GAD2: variants seen among roughly 807,000 people sequenced by gnomAD.
GAD2 encodes the protein glutamate decarboxylase 2.
Under a neutral mutation model 80.1 loss-of-function variants are expected in GAD2, and 22 were observed. The ratio of observed to expected loss-of-function variants is 0.27; its 90% CI spans 0.20 to 0.39. The LOEUF is 0.39. Ranked by LOEUF, GAD2 falls within the 10% of genes least tolerant of loss-of-function variation. GAD2 has a pLI of 1.00. For missense variants in GAD2, 624 were observed against 738.4 expected (o/e 0.85, Z 1.80); for synonymous variants, 274 against 256.9 (o/e 1.07, Z -0.64).
chr10:26,264,647 C>T lies in GAD2; in HGVS notation c.921-4472C>T, dbSNP rs577049214. Among the ~76,000 whole-genome samples, 6 of 152,306 alleles carry T rather than the reference C, an allele frequency of 3.9e-5. No homozygotes were observed. In the East Asian group the frequency reaches 1.2e-3, roughly 29 times the overall value. ...CTTTTAACCATAGTCAACTGCCTCT[C>T]TGAACCTCGGTTTCCTAATCTGCAC... On this transcript the variant is annotated intron_variant, in intron 8 of 15. Coordinates refer to ENST00000376261, the MANE Select transcript of GAD2 (RefSeq NM_001134366.2).
intron 4 of GAD2, among the ~76,000 whole-genome samples, chr10:26,222,123 T>C (rs1333826688): frequency 6.6e-6 from 1 of 151,996 alleles, no homozygotes; most frequent in Non-Finnish European, 1.5e-5. Flanking sequence ...GAGATTCAGG[T>C]GAAATGGCAG....
At position 26,274,096 on chromosome 10, in the gene GAD2, TA is replaced by T. The variant is rs8190733; in HGVS notation, c.1157+404del. Among the ~76,000 whole-genome samples the T allele has an allele frequency of 4.4e-3, 672 of 152,084 alleles. 4 individuals carry two copies. Among genetic ancestry groups the T allele is most frequent in the African/African-American group, 0.015 (638 of 41,490 alleles). Reference sequence around the variant, plus strand: ...TCATAAAAGGATAATATCCACTGCTTAAAAAAAATAATAATTTTTCAAAGCA... The same window carrying T: ...TCATAAAAGGATAATATCCACTGCTTAAAAAAATAATAATTTTTCAAAGCA... On this transcript the variant is annotated intron_variant, in intron 11 of 15. Coordinates refer to ENST00000376261, the MANE Select transcript of GAD2 (RefSeq NM_001134366.2).
intron 13 of GAD2, among the ~76,000 whole-genome samples, chr10:26,290,013 G>GT (rs1316910597): frequency 1.3e-5 from 2 of 151,650 alleles, no homozygotes; most frequent in East Asian, 3.9e-4. Context: ...TTTCCTTGTG[G>GT]TTTTTTTATG....
rs549881521 is a variant in GAD2 at position 26,246,181 on chromosome 10, G to C, written c.920+181G>C. Among the ~76,000 whole-genome samples, 4 of 152,300 alleles carry C rather than the reference G, an allele frequency of 2.6e-5. No individual in the cohort carries two copies. The South Asian group carries it at 8.3e-4, about 32-fold the overall frequency. On this transcript the variant is annotated intron_variant, in intron 8 of 15. Coordinates refer to ENST00000376261, the MANE Select transcript of GAD2 (RefSeq NM_001134366.2). ...TTCTGTTGCTCAGATGTGGTTCCTT[G>C]ATGCCATGGAGCCTTCCACAGCCCT... is the stretch of plus-strand genomic sequence containing the variant.
intron 7 of GAD2, among the ~76,000 whole-genome samples, chr10:26,230,651 T>C (rs1844590180): frequency 6.6e-6 from 1 of 151,996 alleles, no homozygotes; most frequent in Admixed American, 6.6e-5. Context: ...GCTAGGCTGG[T>C]CTCAAACTCC....
At chr10:26,225,408 G>A (rs1234774628) in intron 6 of GAD2, among the ~76,000 whole-genome samples, 1 of 152,164 alleles carries the variant, frequency 6.6e-6, no homozygotes. Context: ...TAGAAGTTAG[G>A]AAGGCAATGC....
chr10:26,286,179 C>T (rs1309773269), intron 12 of GAD2, among the ~76,000 whole-genome samples, 166 bp from the exon 13 acceptor site: 1 of 152,206 alleles, frequency 6.6e-6, no homozygotes, highest in African/African-American at 2.4e-5. Flanking sequence ...AACCTAGACA[C>T]TCCTGTCCAG....
intron 10 of GAD2, among the ~76,000 whole-genome samples, chr10:26,273,402 C>A (rs972452082): frequency 6.6e-6 from 1 of 152,134 alleles, no homozygotes; most frequent in African/African-American, 2.4e-5. Context: ...CTCTCTTCTA[C>A]GGACCAGGAG....
In GAD2 at chr10:26,288,836, A is replaced by G. The variant is rs1052406192; in HGVS notation, c.1386+2342A>G. On this transcript the variant is annotated intron_variant, in intron 13 of 15. Coordinates refer to ENST00000376261, the MANE Select transcript of GAD2 (RefSeq NM_001134366.2). The stretch of plus-strand genomic sequence containing the variant: ...TTCCATCTGAAGCCTCCTCTCCAGC[A>G]GGGGCAGCACAGTTTCTTAGAGAAA... 2.2e-4 allele frequency among the ~76,000 whole-genome samples: 33 copies of G among 152,172 alleles called. 1 individual carries two copies. The highest frequency in any genetic ancestry group is 8.0e-4 in the African/African-American group (33 of 41,450).
chr10:26,293,051 C>A, intron 15 of GAD2, 60 bp downstream of exon 15: 1 of 1,340,884 alleles, frequency 7.5e-7, no homozygotes, highest in Non-Finnish European at 1.1e-6. Flanking sequence ...TGCACATCTT[C>A]TTTATGACAT....
intron 11 of GAD2, among the ~76,000 whole-genome samples, chr10:26,275,054 C>G (rs1321268121): frequency 6.6e-6 from 1 of 152,222 alleles, no homozygotes; most frequent in African/African-American, 2.4e-5. Flanking sequence ...CTTGGGGCTT[C>G]TCTCAGGCCT....
intron 4 of GAD2, among the ~76,000 whole-genome samples, chr10:26,220,158 A>T (rs1447393267): frequency 6.6e-6 from 1 of 152,194 alleles, no homozygotes; most frequent in East Asian, 1.9e-4. Flanking sequence ...TCATCCTGAT[A>T]CACGATGGCT....
chr10:26,227,091 C>T (rs1171430656), intron 6 of GAD2, among the ~76,000 whole-genome samples: 1 of 152,204 alleles, frequency 6.6e-6, no homozygotes, highest in Admixed American at 6.5e-5. Flanking sequence ...CTCCTGGGTT[C>T]AGGCAATTCT....
chr10:26,297,075 C>A (rs1164117960), intron 15 of GAD2, among the ~76,000 whole-genome samples: 1 of 152,086 alleles, frequency 6.6e-6, no homozygotes, highest in Admixed American at 6.6e-5. Context: ...CCACCACACC[C>A]AGCTAATTTT....
chr10:26,248,817 A>G (rs930269693), intron 8 of GAD2, among the ~76,000 whole-genome samples: 1 of 152,146 alleles, frequency 6.6e-6, no homozygotes, highest in South Asian at 2.1e-4. Context: ...TCAGAAAAAA[A>G]AATGGTGTTA....
At chr10:26,290,205 C>A (rs551610029) in intron 13 of GAD2, among the ~76,000 whole-genome samples, 3 of 152,128 alleles carry the variant, frequency 2.0e-5, no homozygotes, top group African/African-American at 7.2e-5. Context: ...CATCTATTAT[C>A]GTGTCTAGTA....
At chr10:26,295,945 C>T (rs1461203017) in intron 15 of GAD2, among the ~76,000 whole-genome samples, 2 of 152,186 alleles carry the variant, frequency 1.3e-5, no homozygotes, top group Non-Finnish European at 2.9e-5. Context: ...ACTCAAAAAT[C>T]GTTTGTTGAG....
chr10:26,239,890 G>A (rs926110708), intron 7 of GAD2, among the ~76,000 whole-genome samples: 2 of 152,148 alleles, frequency 1.3e-5, no homozygotes, highest in Non-Finnish European at 2.9e-5. Flanking sequence ...ACAGAGTGAG[G>A]GGAACAAAGA....
Position 26,217,596 on chromosome 10 carries a change from A to G in GAD2, c.77-14A>G, listed in dbSNP as rs367702239. The G allele has an allele frequency of 1.9e-6, 3 of 1,610,502 alleles. No individual in the cohort carries two copies. The highest frequency in any genetic ancestry group is 1.3e-5 in the African/African-American group (1 of 74,876). On this transcript the variant is annotated splice_polypyrimidine_tract_variant and intron_variant, in intron 1 of 15. Coordinates refer to ENST00000376261, the MANE Select transcript of GAD2 (RefSeq NM_001134366.2). The surrounding 1 kb of genome is among the most constrained non-coding windows in gnomAD (Gnocchi z 4.9). ...TTTCTGCCTCGCTGTCTGCCTGCCTATTCTTCCTTGCAGCGCGAGCCTGGT... is the reference window on the plus strand; with the variant it reads ...TTTCTGCCTCGCTGTCTGCCTGCCTGTTCTTCCTTGCAGCGCGAGCCTGGT...
Sources: allele counts gnomAD v4.1 joint callset (sites outside exome capture counted in the v4.1 genomes callset), GRCh38; gene constraint gnomAD v4.1.1; non-coding constraint Gnocchi (gnomAD v3.1); transcripts MANE v1.5; gene names NCBI Gene and HGNC (gene_info 2026-07-23, HGNC 2026-07-21).